The following PRELID2 variants were observed in gnomAD, a reference collection of about 807,000 sequenced individuals.
PRELID2 encodes PRELI domain-containing protein 2.
In PRELID2, 25 loss-of-function variants were observed where a neutral mutation model predicts 28.4. That is an observed-to-expected ratio of 0.88 (90% CI 0.64 to 1.23). PRELID2 has a LOEUF of 1.23. Among genes scored for constraint, PRELID2 ranks in the 50% most tolerant of loss-of-function variants. PRELID2 has a pLI of 0.00. For missense variants in PRELID2, 201 were observed against 214.4 expected (o/e 0.94, Z 0.39); for synonymous variants, 76 against 71.6 (o/e 1.06, Z -0.31).
At chr5:145,313,377 G>C in the PRELID2 span, among the ~76,000 whole-genome samples, 2 of 152,168 alleles carry the variant, frequency 1.3e-5, no homozygotes, top group Admixed American at 6.5e-5. Flanking sequence ...TTTGAGAAGG[G>C]AGGAAAGGGC....
the PRELID2 span, among the ~76,000 whole-genome samples, chr5:145,429,004 C>T: frequency 6.6e-5 from 10 of 152,100 alleles, no homozygotes; most frequent in African/African-American, 2.4e-4. Context: ...CATGTGGGGC[C>T]TTGGAAGCCT....
rs1240245165 is a variant in PRELID2 at position 145,757,879 on chromosome 5, C to T, written c.*2657G>A. On this transcript the variant is annotated 3_prime_UTR_variant, in exon 7 of 7. Transcript: ENST00000683046. Reference sequence around the variant, plus strand: ...ATATATGTGAAGCTGGAAGCAATAGCTGCCTGCAGGGGGAAAATTACTGAG... The same window carrying T: ...ATATATGTGAAGCTGGAAGCAATAGTTGCCTGCAGGGGGAAAATTACTGAG... Among the ~76,000 whole-genome samples the T allele has an allele frequency of 6.6e-6, 1 of 150,656 alleles. No individual in the cohort carries two copies. The highest frequency in any genetic ancestry group is 2.4e-5 in the African/African-American group (1 of 40,962).
At chr5:145,511,725 G>T (rs1467867960) in intron 1 of PRELID2, among the ~76,000 whole-genome samples, 1 of 152,202 alleles carries the variant, frequency 6.6e-6, no homozygotes, top group East Asian at 1.9e-4. Flanking sequence ...CAGCATCTCT[G>T]TACATTCTAT....
chr5:145,600,472 T>TG (rs1168936811), intron 1 of PRELID2, among the ~76,000 whole-genome samples: 2 of 147,170 alleles, frequency 1.4e-5, no homozygotes, highest in Non-Finnish European at 3.0e-5. Flanking sequence ...ACAGGTGTGA[T>TG]GGGGGACACC....
At chr5:145,397,028 G>A in the PRELID2 span, among the ~76,000 whole-genome samples, 3 of 152,064 alleles carry the variant, frequency 2.0e-5, no homozygotes, top group Non-Finnish European at 4.4e-5. Flanking sequence ...GGGCACTGGG[G>A]AGCAACTGCA....
chr5:145,739,124 G>T (rs1723748282), intron 1 of PRELID2, among the ~76,000 whole-genome samples: 1 of 152,120 alleles, frequency 6.6e-6, no homozygotes, highest in African/African-American at 2.4e-5. Context: ...TTCAGATGAT[G>T]AAAAACTGAA....
intron 1 of PRELID2, among the ~76,000 whole-genome samples, chr5:145,534,245 A>G (rs1399779254): frequency 1.3e-5 from 2 of 151,948 alleles, no homozygotes; most frequent in Non-Finnish European, 2.9e-5. Context: ...CATTTTTTAT[A>G]TTGTGTTCTA....
chr5:145,548,557 A>G (rs145098214), intron 1 of PRELID2, among the ~76,000 whole-genome samples: 203 of 152,226 alleles, frequency 1.3e-3, no homozygotes, highest in Middle Eastern at 3.4e-3. Context: ...CCTCTACTAT[A>G]TTAAAGAGAA....
intron 5 of PRELID2, 54 bp downstream of exon 5, chr5:145,796,388 G>T (rs1752749682): frequency 8.7e-7 from 1 of 1,147,694 alleles, no homozygotes; most frequent in South Asian, 1.3e-5. Context: ...AACCCTATTG[G>T]AACTCCTATT....
At chr5:145,264,833 G>A in the PRELID2 span, among the ~76,000 whole-genome samples, 1 of 151,774 alleles carries the variant, frequency 6.6e-6, no homozygotes. Flanking sequence ...AATTAGTCAG[G>A]CATGGTGGTG....
At chr5:145,272,763 G>T in the PRELID2 span, among the ~76,000 whole-genome samples, 39 of 152,166 alleles carry the variant, frequency 2.6e-4, no homozygotes, top group African/African-American at 7.0e-4. Flanking sequence ...ATTGATAGAT[G>T]ATATCAATTT....
At chr5:145,805,999 G>A (rs562884571) in intron 4 of PRELID2, among the ~76,000 whole-genome samples, 2 of 152,144 alleles carry the variant, frequency 1.3e-5, no homozygotes, top group South Asian at 2.1e-4. Flanking sequence ...CTGCAGTACC[G>A]AGGTCACTCT....
intron 1 of PRELID2, among the ~76,000 whole-genome samples, chr5:145,591,821 CT>C (rs1454333774): frequency 6.6e-6 from 1 of 152,180 alleles, no homozygotes; most frequent in African/African-American, 2.4e-5. Context: ...TACTTAAAAC[CT>C]TTCCCTGGAT....
intron 1 of PRELID2, among the ~76,000 whole-genome samples, chr5:145,689,986 C>CTTTTTTTT (rs749912789): frequency 8.7e-6 from 1 of 114,898 alleles, no homozygotes; most frequent in Non-Finnish European, 1.8e-5. Context: ...CTGTGGGGGT[C>CTTTTTTTT]TTTTTTTTTT....
At chr5:145,736,936 T>C (rs955567317) in intron 1 of PRELID2, among the ~76,000 whole-genome samples, 1 of 152,134 alleles carries the variant, frequency 6.6e-6, no homozygotes, top group African/African-American at 2.4e-5. Flanking sequence ...TTGCTTTTCA[T>C]GATAAAATCT....
chr5:145,499,020 G>A (rs1302796002), intron 1 of PRELID2, among the ~76,000 whole-genome samples: 2 of 152,108 alleles, frequency 1.3e-5, no homozygotes, highest in African/African-American at 2.4e-5. Flanking sequence ...ATCTTTTAAA[G>A]TATATTATAT....
chr5:145,696,313 C>A (rs778190645), intron 1 of PRELID2, among the ~76,000 whole-genome samples: 4 of 151,952 alleles, frequency 2.6e-5, no homozygotes, highest in Non-Finnish European at 4.4e-5. Flanking sequence ...TATCACACAT[C>A]TAATGGTGAA....
the PRELID2 span, among the ~76,000 whole-genome samples, chr5:145,278,927 G>A: frequency 6.6e-6 from 1 of 152,138 alleles, no homozygotes; most frequent in Admixed American, 6.6e-5. Flanking sequence ...AGGAGTAAGA[G>A]AAAATCTGAG....
At chr5:145,310,673 T>A in the PRELID2 span, among the ~76,000 whole-genome samples, 2 of 152,218 alleles carry the variant, frequency 1.3e-5, no homozygotes, top group African/African-American at 4.8e-5. Flanking sequence ...TTCATCTTGA[T>A]CTTTTTGGTA....
Sources: gnomAD v4.1 joint callset for allele counts (sites outside exome capture counted in the v4.1 genomes callset) on GRCh38, gnomAD v4.1.1 for gene constraint, MANE v1.5 for transcripts, NCBI Gene and HGNC (gene_info 2026-07-23, HGNC 2026-07-21) for gene names.